Variants in SCML4 observed in about 807,000 individuals in gnomAD.
The protein encoded by SCML4 is sex comb on midleg-like protein 4.
SCML4 carries 34 observed loss-of-function variants against 41.1 expected under a neutral mutation model. The observed-to-expected ratio is 0.83, with a 90% CI of 0.63 to 1.10. The LOEUF (loss-of-function observed/expected upper bound fraction) is 1.10. SCML4 is among the 50% of genes least tolerant of loss of function. SCML4 has a pLI of 0.00. For synonymous variants in SCML4, 214 were observed against 220.9 expected (o/e 0.97, Z 0.28); for missense variants, 522 against 534.1 (o/e 0.98, Z 0.22).
chr6:107,822,146 T>C (rs1455884726), intron 1 of SCML4, among the ~76,000 whole-genome samples: 1 of 152,244 alleles, frequency 6.6e-6, no homozygotes. Flanking sequence ...AAAGTCTATC[T>C]TTGTACTTTG....
rs138344988 is a variant in SCML4 at position 107,703,131 on chromosome 6, G to A, written c.*2069C>T. Among the ~76,000 whole-genome samples, 1,327 of 152,286 alleles carry A rather than the reference G, an allele frequency of 8.7e-3. 17 individuals carry two copies. Among genetic ancestry groups the A allele is most frequent in the African/African-American group, 0.031 (1,284 of 41,558 alleles). ...GCATGAATAATCCACCCCTTGTTTA[G>A]CATATCAAGAAATAAACATAAAAAT... On this transcript the variant is annotated 3_prime_UTR_variant, in exon 8 of 8. Transcript: ENST00000369020.
chr6:107,801,732 G>T (rs970374917), intron 1 of SCML4, among the ~76,000 whole-genome samples: 1 of 152,110 alleles, frequency 6.6e-6, no homozygotes, highest in Admixed American at 6.6e-5. Flanking sequence ...AGCACATGGA[G>T]GGTGGAGACA....
At chr6:107,761,442 G>GT (rs372225961) in intron 2 of SCML4, among the ~76,000 whole-genome samples, 130 of 20,096 alleles carry the variant, frequency 6.5e-3, no homozygotes, top group African/African-American at 8.3e-3. Context: ...AATATCTTTG[G>GT]TTTTTTTTTT....
chr6:107,768,642 A>G (rs116069029), intron 2 of SCML4, among the ~76,000 whole-genome samples: 95 of 152,268 alleles, frequency 6.2e-4, no homozygotes, highest in African/African-American at 2.1e-3. Flanking sequence ...GTTTTTCTAC[A>G]CTTCTTTCCT....
intron 6 of SCML4, among the ~76,000 whole-genome samples, chr6:107,708,755 T>A (rs1175011904): frequency 6.6e-6 from 1 of 152,218 alleles, no homozygotes; most frequent in African/African-American, 2.4e-5. Context: ...AGCTGCTTCC[T>A]GGGAAATGGT....
chr6:107,716,921 T>C (rs1774864952), intron 6 of SCML4, among the ~76,000 whole-genome samples: 2 of 151,994 alleles, frequency 1.3e-5, no homozygotes, highest in African/African-American at 4.8e-5. Flanking sequence ...ACTTCCTCTG[T>C]CTCACTGCTG....
chr6:107,754,242 T>C (rs1440226880), intron 2 of SCML4, among the ~76,000 whole-genome samples: 1 of 152,204 alleles, frequency 6.6e-6, no homozygotes, highest in African/African-American at 2.4e-5. Context: ...TTATTCTGAG[T>C]GTCACATTTC....
In SCML4 at chr6:107,822,563, G is replaced by A. The variant is rs537937475; in HGVS notation, c.-60+1563C>T. On this transcript the variant is annotated intron_variant, in intron 1 of 7. Coordinates refer to ENST00000369020, the MANE Select transcript of SCML4 (RefSeq NM_198081.5). ...AATTTTGGGGACACAGGGAAGAAAT[G>A]TAAACATGTTATACATGAAAGAACT... 7.3e-4 allele frequency among the ~76,000 whole-genome samples: 105 copies of A among 144,426 alleles called. 1 individual carries two copies. The highest frequency in any genetic ancestry group is 2.8e-3 in the African/African-American group (102 of 36,840). 94.7% of individuals were successfully genotyped at this position (144,426 alleles called of 152,430 possible). A position where few individuals can be genotyped will look rare whatever the true frequency, so the allele number is the denominator to read the frequency against.
rs535138086 is a variant in SCML4, at chr6:107,772,080, C to T, written c.156+92G>A. The T allele has an allele frequency of 1.3e-5, 15 of 1,164,694 alleles. No individual in the cohort carries two copies. In the East Asian group the frequency reaches 3.5e-4, roughly 27 times the overall value. The allele number at this position is 1,164,694 out of a possible 1,614,324, so 72.1% of individuals were successfully genotyped here. A position where few individuals can be genotyped will look rare whatever the true frequency, so the allele number is the denominator to read the frequency against. On this transcript the variant is annotated intron_variant, in intron 2 of 7. Transcript: ENST00000369020. ...TCTCATCCTGTCTCTACCAAGCTCC[C>T]AACCTCTAGTGGCATTTTGCAGTGC... is the stretch of plus-strand genomic sequence containing the variant.
chr6:107,778,223 ATATATATATATATATATATATATAT>A (rs1562248895), intron 1 of SCML4, among the ~76,000 whole-genome samples: 6 of 3,140 alleles, frequency 1.9e-3, no homozygotes, highest in African/African-American at 3.4e-3. Context: ...AAAAAAAAAA[ATATATATATATATATATATATATAT>A]ATATATATAT....
At chr6:107,799,111 C>A (rs984304531) in intron 1 of SCML4, among the ~76,000 whole-genome samples, 2 of 152,240 alleles carry the variant, frequency 1.3e-5, no homozygotes, top group African/African-American at 4.8e-5. Flanking sequence ...ATCCTCTATA[C>A]CCTTGTAAGT....
At chr6:107,754,718 A>G (rs889836925) in intron 2 of SCML4, among the ~76,000 whole-genome samples, 2 of 152,220 alleles carry the variant, frequency 1.3e-5, no homozygotes, top group Admixed American at 6.5e-5. Flanking sequence ...AAAAATGACG[A>G]TGATGATGAT....
At chr6:107,845,004 G>C in the SCML4 span, among the ~76,000 whole-genome samples, 1 of 151,890 alleles carries the variant, frequency 6.6e-6, no homozygotes, top group East Asian at 1.9e-4. Context: ...GGGAGGCTGA[G>C]GCAGGCAGAT....
Position 107,801,409 on chromosome 6 carries a change from C to A in SCML4, c.-60+22717G>T, listed in dbSNP as rs1783112041. Among the ~76,000 whole-genome samples, 4 of 152,286 alleles carry A rather than the reference C, an allele frequency of 2.6e-5. No individual in the cohort carries two copies. In the South Asian group the frequency reaches 8.3e-4, roughly 32 times the overall value. ...GGCGTCTCCTTGGCGAGACTCCAGT[C>A]CTCCACCCACCTATGCCTGCCTACC... On this transcript the variant is annotated intron_variant, in intron 1 of 7. Transcript: ENST00000369020.
chr6:107,746,691 G>T lies in SCML4; in HGVS notation c.485C>A (p.Ser162Ter). Residue 162 changes from serine to a stop codon, truncating the protein, a stop_gained and splice_region_variant, in exon 4 of 8, where the codon TCA becomes TAA. Transcript: ENST00000369020. LOFTEE classifies it high-confidence loss of function. ...ATGCAACCTGCCCCAGGCCTTACCT[G>T]ACACCATCTCACCACCATAGCCCTG... ...VKQGYGGEMVSVSASFDGKQH... is the reference protein window; with the variant it reads ...VKQGYGGEMV 2 of 1,613,594 alleles carry T rather than the reference G, an allele frequency of 1.2e-6. No individual in the cohort carries two copies. Among genetic ancestry groups the T allele is most frequent in the South Asian group, 2.2e-5 (2 of 90,966 alleles).
intron 5 of SCML4, among the ~76,000 whole-genome samples, chr6:107,733,642 G>T (rs1156616153): frequency 1.3e-5 from 2 of 152,182 alleles, no homozygotes; most frequent in African/African-American, 2.4e-5. Flanking sequence ...TTGTGGTCCA[G>T]GGGAATAACC....
chr6:107,807,184 G>C (rs888195796), intron 1 of SCML4, among the ~76,000 whole-genome samples: 3 of 151,882 alleles, frequency 2.0e-5, no homozygotes, highest in Non-Finnish European at 4.4e-5. Context: ...AAGGTAGCAA[G>C]AGTAAAAAGA....
At chr6:107,827,110 ATATT>A (rs1233745673), upstream of SCML4, among the ~76,000 whole-genome samples, 4 of 148,406 alleles carry the variant, frequency 2.7e-5, no homozygotes, top group East Asian at 1.9e-4. Flanking sequence ...TAAGTAAACA[ATATT>A]TATTTACTTA....
At chr6:107,803,481 T>C (rs1783446603) in intron 1 of SCML4, among the ~76,000 whole-genome samples, 1 of 147,794 alleles carries the variant, frequency 6.8e-6, no homozygotes, top group African/African-American at 2.5e-5. Flanking sequence ...GAGGGGCGCC[T>C]CTGCCCGGCC....
Sources: allele counts gnomAD v4.1 joint callset (sites outside exome capture counted in the v4.1 genomes callset), GRCh38; gene constraint gnomAD v4.1.1; transcripts MANE v1.5; gene names NCBI Gene and HGNC (gene_info 2026-07-23, HGNC 2026-07-21).